Variants in LRFN5 observed in about 807,000 individuals in gnomAD.
LRFN5 encodes leucine rich repeat and fibronectin type III domain containing 5.
In LRFN5, 24 loss-of-function variants were observed where a neutral mutation model predicts 45.6. The ratio of observed to expected loss-of-function variants is 0.53; its 90% CI spans 0.38 to 0.74. LRFN5 has a LOEUF of 0.74. Ranked by LOEUF, LRFN5 falls within the 30% of genes least tolerant of loss-of-function variation. The pLI, the probability that LRFN5 is intolerant of heterozygous loss-of-function variation, is 0.00. For synonymous variants in LRFN5, 340 were observed against 313.8 expected, an observed-to-expected ratio of 1.08 and a Z score of -0.88; for missense variants, 776 against 861.5, an observed-to-expected ratio of 0.90 and a Z score of 1.24.
In LRFN5 at chr14:41,669,591, C is replaced by A. The variant is rs536086295; in HGVS notation, c.-197+61029C>A. On this transcript the variant is annotated intron_variant, in intron 1 of 5. Transcript: ENST00000298119. ...CTGTAAGCTTAACACATACTATTGGCATGGTTGTCGCTTGTGGGAATGTAA... is the reference window on the plus strand; with the variant it reads ...CTGTAAGCTTAACACATACTATTGGAATGGTTGTCGCTTGTGGGAATGTAA... Among the ~76,000 whole-genome samples, 9 of 151,982 alleles carry A rather than the reference C, an allele frequency of 5.9e-5. No individual in the cohort carries two copies. In the East Asian group the frequency reaches 1.7e-3, roughly 29 times the overall value.
At chr14:41,807,492 C>T (rs1442885477) in intron 2 of LRFN5, among the ~76,000 whole-genome samples, 3 of 152,024 alleles carry the variant, frequency 2.0e-5, no homozygotes, top group African/African-American at 7.2e-5. Context: ...TGGAAAACAT[C>T]TGATGAAAAG....
At chr14:41,650,896 AGAGGGAGGGAGGGAGGGAGGGAGG>A (rs58845118) in intron 1 of LRFN5, among the ~76,000 whole-genome samples, 1 of 80,904 alleles carries the variant, frequency 1.2e-5, no homozygotes, top group Non-Finnish European at 2.4e-5. Flanking sequence ...AGAGAGAGAG[AGAGGGAGGGAGGGAGGGAGGGAGG>A]GAGGGAGGGA....
intron 2 of LRFN5, among the ~76,000 whole-genome samples, chr14:41,797,188 C>T (rs1594718279): frequency 6.6e-6 from 1 of 151,726 alleles, no homozygotes; most frequent in South Asian, 2.1e-4. Flanking sequence ...AACTGTGTTT[C>T]CTTAGCATTT....
Position 41,875,461 on chromosome 14 carries a change from A to G in LRFN5, c.-20-11145A>G, listed in dbSNP as rs181128180. 3.9e-5 allele frequency among the ~76,000 whole-genome samples: 6 copies of G among 152,368 alleles called. No homozygotes were observed. The East Asian group carries it at 9.6e-4, about 24-fold the overall frequency. The stretch of plus-strand genomic sequence containing the variant: ...CTAGTAGTATTTACTGGTAGGATCC[A>G]TGGGTTCCCAATATCACATAGAGTC... On this transcript the variant is annotated intron_variant, in intron 2 of 5. Coordinates refer to ENST00000298119, the MANE Select transcript of LRFN5 (RefSeq NM_152447.5).
chr14:41,820,121 T>C (rs907541008), intron 2 of LRFN5, among the ~76,000 whole-genome samples: 1 of 152,064 alleles, frequency 6.6e-6, no homozygotes, highest in Non-Finnish European at 1.5e-5. Flanking sequence ...TTAGTTTAAC[T>C]AAGACCCATT....
intron 3 of LRFN5, among the ~76,000 whole-genome samples, chr14:41,888,290 T>C (rs938490243): frequency 1.3e-5 from 2 of 152,194 alleles, no homozygotes; most frequent in African/African-American, 4.8e-5. Flanking sequence ...TGATTTATTA[T>C]AAAAATTCAA....
chr14:41,747,235 A>G (rs1484261985), intron 1 of LRFN5, among the ~76,000 whole-genome samples: 4 of 151,994 alleles, frequency 2.6e-5, no homozygotes, highest in Non-Finnish European at 5.9e-5. Context: ...TAACCAACAC[A>G]ATATATATTT....
At chr14:41,772,754 C>T (rs1263398227) in intron 2 of LRFN5, among the ~76,000 whole-genome samples, 5 of 152,154 alleles carry the variant, frequency 3.3e-5, no homozygotes, top group African/African-American at 1.2e-4. Context: ...TTCTTGAGCT[C>T]AGTATACGGC....
intron 1 of LRFN5, among the ~76,000 whole-genome samples, chr14:41,694,087 TATGTAGTTTAATTTA>T (rs1882495263): frequency 6.6e-6 from 1 of 152,070 alleles, no homozygotes; most frequent in Non-Finnish European, 1.5e-5. Context: ...AATTGACATT[TATGTAGTTTAATTTA>T]ATGTTTTACA....
At chr14:41,749,091 T>A (rs1885030318) in intron 1 of LRFN5, among the ~76,000 whole-genome samples, 1 of 151,974 alleles carries the variant, frequency 6.6e-6, no homozygotes, top group Non-Finnish European at 1.5e-5. Flanking sequence ...ACTTGGCCAC[T>A]CCCAAAATAA....
rs751803046 is a variant in LRFN5 at position 41,887,879 on chromosome 14, A to G, written c.1254A>G (p.Gln418=). 6.2e-7 allele frequency: 1 copy of G among 1,614,108 alleles called. No homozygotes were observed. The highest frequency in any genetic ancestry group is 1.1e-5 in the South Asian group (1 of 91,076). The change falls in exon 3 of 6, where the codon CAA becomes CAG. Residue 418 remains glutamine, a synonymous_variant. Coordinates refer to ENST00000298119, the MANE Select transcript of LRFN5 (RefSeq NM_152447.5). The surrounding 1 kb of genome is among the most constrained non-coding windows in gnomAD (Gnocchi z 4.8). ...GTAATGGTGATACTAAATTGAGTCAAGATAAAATTGTGGTGGCAGAAGCTA... is the reference window on the plus strand; with the variant it reads ...GTAATGGTGATACTAAATTGAGTCAGGATAAAATTGTGGTGGCAGAAGCTA... ...SSSNGDTKLS[Q]DKIVVAEATS... is the part of the protein sequence containing the mutation.
chr14:41,868,439 C>A (rs779439152), intron 2 of LRFN5, among the ~76,000 whole-genome samples: 29 of 152,110 alleles, frequency 1.9e-4, no homozygotes, highest in African/African-American at 7.0e-4. Flanking sequence ...CAGACTATTT[C>A]TAGTTCTAAT....
At chr14:41,712,392 AT>A (rs1883322486) in intron 1 of LRFN5, among the ~76,000 whole-genome samples, 1 of 152,100 alleles carries the variant, frequency 6.6e-6, no homozygotes, top group African/African-American at 2.4e-5. Flanking sequence ...TGACATCTCT[AT>A]GACATAGACA....
chr14:41,801,606 C>T (rs1335185814), intron 2 of LRFN5, among the ~76,000 whole-genome samples: 1 of 152,166 alleles, frequency 6.6e-6, no homozygotes, highest in African/African-American at 2.4e-5. Flanking sequence ...CTGTTTACTT[C>T]TCTACAAGAA....
chr14:41,704,278 G>A (rs757485984), intron 1 of LRFN5, among the ~76,000 whole-genome samples: 1 of 151,990 alleles, frequency 6.6e-6, no homozygotes, highest in Admixed American at 6.6e-5. Context: ...GAGTAGCCAC[G>A]TGATTTCCCT....
At chr14:41,898,875 A>T (rs769541226) in intron 4 of LRFN5, 42 bp from the exon 5 acceptor site, 9 of 1,567,868 alleles carry the variant, frequency 5.7e-6, no homozygotes, top group Admixed American at 3.6e-5. Context: ...TATTTCTTTT[A>T]AAAAAATGAA....
In LRFN5 at chr14:41,851,938, G is replaced by T. The variant is rs184053265; in HGVS notation, c.-20-34668G>T. Reference sequence around the variant, plus strand: ...TTGGTATAGAAACCATACCTAATTTGATGTGTATCCTCTGGCAGTGGTAAT... The same window carrying T: ...TTGGTATAGAAACCATACCTAATTTTATGTGTATCCTCTGGCAGTGGTAAT... On this transcript the variant is annotated intron_variant, in intron 2 of 5. Coordinates refer to ENST00000298119, the MANE Select transcript of LRFN5 (RefSeq NM_152447.5). Among the ~76,000 whole-genome samples, 552 of 151,580 alleles carry T rather than the reference G, an allele frequency of 3.6e-3. 4 individuals are homozygous for T. The highest frequency in any genetic ancestry group is 6.2e-3 in the Non-Finnish European group (417 of 67,674).
intron 1 of LRFN5, among the ~76,000 whole-genome samples, chr14:41,652,620 A>G (rs1299439755): frequency 1.3e-5 from 2 of 152,284 alleles, no homozygotes; most frequent in East Asian, 3.9e-4. Flanking sequence ...AACCTCCTTC[A>G]GCAGATGAGC....
At chr14:41,711,292 A>G (rs1398499019) in intron 1 of LRFN5, among the ~76,000 whole-genome samples, 1 of 152,204 alleles carries the variant, frequency 6.6e-6, no homozygotes, top group East Asian at 1.9e-4. Flanking sequence ...CTAGAGCTGT[A>G]TAAAAACTAT....
Sources: allele counts gnomAD v4.1 joint callset (sites outside exome capture counted in the v4.1 genomes callset), GRCh38; gene constraint gnomAD v4.1.1; non-coding constraint Gnocchi (gnomAD v3.1); transcripts MANE v1.5; gene names NCBI Gene and HGNC (gene_info 2026-07-23, HGNC 2026-07-21).